Variants in C8orf89 observed in about 807,000 individuals in gnomAD.
The protein encoded by C8orf89 is putative uncharacterized protein C8orf89.
In C8orf89, 14 loss-of-function variants were observed where a neutral mutation model predicts 15.8. The ratio of observed to expected loss-of-function variants is 0.89; its 90% CI spans 0.59 to 1.39. The LOEUF (loss-of-function observed/expected upper bound fraction) is 1.39, where lower values mean the gene tolerates loss of function less well. Ranked by LOEUF, C8orf89 falls within the 40% of genes most tolerant of loss-of-function variation. The probability of loss-of-function intolerance (pLI) is 0.00; values close to 1 mark genes in which losing one functional copy is unlikely to be tolerated. For missense variants in C8orf89, 181 were observed against 184.5 expected, an observed-to-expected ratio of 0.98 and a Z score of 0.11; for synonymous variants, 55 against 62.2, an observed-to-expected ratio of 0.88 and a Z score of 0.54.
the C8orf89 span, among the ~76,000 whole-genome samples, chr8:73,275,704 A>G: frequency 6.6e-6 from 1 of 151,920 alleles, no homozygotes; most frequent in East Asian, 1.9e-4. Flanking sequence ...TCTTATTTGT[A>G]GTGCTTTATA....
the C8orf89 span, among the ~76,000 whole-genome samples, chr8:73,272,506 C>T: frequency 1.3e-5 from 2 of 151,788 alleles, no homozygotes; most frequent in Non-Finnish European, 2.9e-5. Flanking sequence ...GCACAACGTG[C>T]AGGTTTATTA....
Position 73,250,248 on chromosome 8 carries a change from A to C in C8orf89, c.337+20T>G. On this transcript the variant is annotated intron_variant, in intron 3 of 3. Transcript: ENST00000624510. Reference sequence around the variant, plus strand: ...ATGACACCCAAGAGAGGTAGTAGAAAAAAGGACGAGTCAGCTTACCTTTTG... The same window carrying C: ...ATGACACCCAAGAGAGGTAGTAGAACAAAGGACGAGTCAGCTTACCTTTTG... 6.6e-7 allele frequency: 1 copy of C among 1,521,624 alleles called. No homozygotes were observed. The highest frequency in any genetic ancestry group is 2.5e-5 in the East Asian group (1 of 40,808). 94.3% of individuals were successfully genotyped at this position (1,521,624 alleles called of 1,614,324 possible). A position where few individuals can be genotyped will look rare whatever the true frequency, so the allele number is the denominator to read the frequency against.
the C8orf89 span, among the ~76,000 whole-genome samples, chr8:73,268,265 G>T: frequency 1.3e-5 from 2 of 152,210 alleles, no homozygotes; most frequent in African/African-American, 4.8e-5. Flanking sequence ...AGATCACGAG[G>T]TCAGGAGTTC....
chr8:73,255,248 C>T (rs1813343520), intron 2 of C8orf89, among the ~76,000 whole-genome samples: 1 of 152,068 alleles, frequency 6.6e-6, no homozygotes, highest in Non-Finnish European at 1.5e-5. Context: ...CCAGAATCTA[C>T]AATTAACTCA....
At chr8:73,248,118 A>AAGT (rs1212351972) in intron 3 of C8orf89, among the ~76,000 whole-genome samples, 71 of 152,100 alleles carry the variant, frequency 4.7e-4, no homozygotes, top group Non-Finnish European at 3.4e-4. Context: ...ATTTTTGTAT[A>AAGT]TGGTGTAAGA....
chr8:73,263,863 G>A (rs546884662), upstream of C8orf89, among the ~76,000 whole-genome samples: 96 of 152,300 alleles, frequency 6.3e-4, no homozygotes, highest in African/African-American at 2.3e-3. Context: ...CACTGAATTA[G>A]CAAATACTGA....
chr8:73,256,015 C>T (rs1396973286), intron 2 of C8orf89, among the ~76,000 whole-genome samples: 2 of 151,046 alleles, frequency 1.3e-5, no homozygotes, highest in African/African-American at 2.4e-5. Flanking sequence ...TGCTAAATGA[C>T]GAGTTAATGG....
the C8orf89 span, among the ~76,000 whole-genome samples, chr8:73,281,992 C>T: frequency 5.9e-5 from 9 of 152,320 alleles, no homozygotes; most frequent in East Asian, 1.7e-3. Context: ...AAGCCGTTTG[C>T]TGACCAGGGA....
At chr8:73,256,726 CAAAA>C (rs11288188) in intron 2 of C8orf89, among the ~76,000 whole-genome samples, 30 of 43,694 alleles carry the variant, frequency 6.9e-4, no homozygotes, top group Non-Finnish European at 1.1e-3. Flanking sequence ...GACTCTGTCT[CAAAA>C]AAAAAAAAAA....
chr8:73,242,158 T>C (rs1244912329), intron 3 of C8orf89, among the ~76,000 whole-genome samples: 1 of 152,002 alleles, frequency 6.6e-6, no homozygotes, highest in African/African-American at 2.4e-5. Flanking sequence ...CATCAAGTTA[T>C]TAATAAAAAG....
the C8orf89 span, among the ~76,000 whole-genome samples, chr8:73,274,997 T>C: frequency 2.6e-5 from 4 of 152,206 alleles, no homozygotes; most frequent in African/African-American, 9.6e-5. Context: ...TTACAAACAA[T>C]ATGACAGTTA....
Position 73,259,396 on chromosome 8 carries a change from G to C in C8orf89, c.63C>G (p.Gly21=). 1 of 1,531,448 alleles carries C rather than the reference G, an allele frequency of 6.5e-7. No homozygotes were observed. Among genetic ancestry groups the C allele is most frequent in the Non-Finnish European group, 8.7e-7 (1 of 1,143,574 alleles). 94.9% of individuals were successfully genotyped at this position (1,531,448 alleles called of 1,614,324 possible). A position where few individuals can be genotyped will look rare whatever the true frequency, so the allele number is the denominator to read the frequency against. The change falls in exon 1 of 4, where the codon GGC becomes GGG. Residue 21 remains glycine, a synonymous_variant. Transcript: ENST00000624510. ...AACTACTCTCAAAAATCAAACAACT[G>C]CCAAAGGAACTTCTGGTGAATTTAG... The part of the protein sequence containing the change: ...ETSKFTRSSF[G]SCLIFESSWK...
At chr8:73,256,932 A>AT in intron 2 of C8orf89, 41 bp downstream of exon 2, 2 of 1,479,308 alleles carry the variant, frequency 1.4e-6, no homozygotes, top group Non-Finnish European at 1.8e-6. Flanking sequence ...ATTACTACAA[A>AT]TACACATTCA....
chr8:73,253,254 C>A (rs1021295627), intron 2 of C8orf89, among the ~76,000 whole-genome samples: 4 of 152,182 alleles, frequency 2.6e-5, no homozygotes, highest in Non-Finnish European at 5.9e-5. Flanking sequence ...AGAGATCCCT[C>A]TGGAGAGTTT....
chr8:73,249,458 C>T (rs539680211), intron 3 of C8orf89, among the ~76,000 whole-genome samples: 49 of 152,244 alleles, frequency 3.2e-4, no homozygotes, highest in African/African-American at 1.2e-3. Context: ...AGGAATACCT[C>T]ATCCTCAAAT....
At chr8:73,277,428 GT>G in the C8orf89 span, 5 of 1,172,650 alleles carry the variant, frequency 4.3e-6, no homozygotes, top group South Asian at 1.4e-5. Flanking sequence ...GACAAAGTAG[GT>G]TTACTTTGTC....
chr8:73,278,849 C>A, the C8orf89 span, among the ~76,000 whole-genome samples: 1 of 152,212 alleles, frequency 6.6e-6, no homozygotes, highest in African/African-American at 2.4e-5. Context: ...TAACTATAGT[C>A]ATTTTAGTGA....
At chr8:73,248,548 T>G (rs1813179275) in intron 3 of C8orf89, among the ~76,000 whole-genome samples, 1 of 152,140 alleles carries the variant, frequency 6.6e-6, no homozygotes, top group Admixed American at 6.6e-5. Flanking sequence ...TTATTTTAAC[T>G]ATATTGAGTC....
chr8:73,272,709 GT>G, the C8orf89 span, among the ~76,000 whole-genome samples: 1 of 152,032 alleles, frequency 6.6e-6, no homozygotes, highest in African/African-American at 2.4e-5. Context: ...GCAGTGTTTG[GT>G]TTTTTGTCCT....
Sources: gnomAD v4.1 joint callset for allele counts (sites outside exome capture counted in the v4.1 genomes callset) on GRCh38, gnomAD v4.1.1 for gene constraint, MANE v1.5 for transcripts, NCBI Gene and HGNC (gene_info 2026-07-23, HGNC 2026-07-21) for gene names.